The following AMBRA1 variants were observed in gnomAD, a reference collection of about 807,000 sequenced individuals.
The protein encoded by AMBRA1 is activating molecule in BECN1-regulated autophagy protein 1.
Under a neutral mutation model 125.4 loss-of-function variants are expected in AMBRA1, and 47 were observed. The ratio of observed to expected loss-of-function variants is 0.37; its 90% CI spans 0.30 to 0.48. AMBRA1 has a LOEUF of 0.48. Among genes scored for constraint, AMBRA1 ranks in the 20% least tolerant of loss-of-function variants. The probability of loss-of-function intolerance (pLI) is 0.99; values close to 1 mark genes in which losing one functional copy is unlikely to be tolerated. For missense variants in AMBRA1, 1,331 were observed against 1,693.4 expected (o/e 0.79, Z 3.76); for synonymous variants, 626 against 655.5 (o/e 0.95, Z 0.69).
intron 7 of AMBRA1, among the ~76,000 whole-genome samples, chr11:46,529,384 A>G (rs1211929844): frequency 6.6e-6 from 1 of 152,190 alleles, no homozygotes; most frequent in Admixed American, 6.5e-5. Context: ...GGGGGCTGTC[A>G]GCATGTCAGC....
At chr11:46,411,160 G>A (rs1203794447) in intron 15 of AMBRA1, among the ~76,000 whole-genome samples, 2 of 151,006 alleles carry the variant, frequency 1.3e-5, no homozygotes, top group East Asian at 3.9e-4. Context: ...AACAAAGACA[G>A]TGCAGGCTCT....
At chr11:46,558,484 G>A (rs2043226703) in intron 1 of AMBRA1, among the ~76,000 whole-genome samples, 1 of 146,888 alleles carries the variant, frequency 6.8e-6, no homozygotes, top group South Asian at 2.2e-4. Flanking sequence ...GGGAGGTGGA[G>A]GTTGCAATGA....
In AMBRA1 at chr11:46,408,610, C is replaced by G. The variant is rs779311819; in HGVS notation, c.3306G>C (p.Gln1102His). ...PRNPATSVTS[Q>H]GTQTLALQLQ... ...GCTGAAGGGCCAGAGTCTGGGTGCC[C>G]TGAGATGTCACTGAGGTGGCAGGGT... Residue 1102 changes from glutamine (Q) to histidine (H), a missense_variant, in exon 17 of 18, where the codon CAG (glutamine) becomes CAC (histidine). Coordinates refer to ENST00000683756, the MANE Select transcript of AMBRA1 (RefSeq NM_001387011.1). 1 of 1,609,980 alleles carries G rather than the reference C, an allele frequency of 6.2e-7. No homozygotes were observed. The highest frequency in any genetic ancestry group is 1.1e-5 in the South Asian group (1 of 90,748).
chr11:46,577,870 A>C (rs753871891), intron 1 of AMBRA1, among the ~76,000 whole-genome samples: 7 of 152,034 alleles, frequency 4.6e-5, no homozygotes, highest in Non-Finnish European at 8.8e-5. Context: ...GAATCACTTG[A>C]ACCCAGGAGG....
intron 11 of AMBRA1, among the ~76,000 whole-genome samples, chr11:46,471,972 C>T (rs1949617666): frequency 6.6e-6 from 1 of 152,092 alleles, no homozygotes; most frequent in Non-Finnish European, 1.5e-5. Flanking sequence ...TTCACATCCA[C>T]ATTAATTTTT....
Position 46,542,086 on chromosome 11 carries a change from C to G in AMBRA1, c.1931G>C (p.Arg644Thr). 1 of 1,613,952 alleles carries G rather than the reference C, an allele frequency of 6.2e-7. No homozygotes were observed. Among genetic ancestry groups the G allele is most frequent in the Non-Finnish European group, 8.5e-7 (1 of 1,179,952 alleles). ...LSSSASPQEE[R>T]TVGVAFNQET... ...CTGGTTAAAGGCCACCCCCACAGTC[C>G]TCTCCTCCTGCGGACTAGCAGAGCT... is the stretch of plus-strand genomic sequence containing the variant. The change falls in exon 7 of 18, where the codon AGG (arginine) becomes ACG (threonine). Residue 644 changes from arginine to threonine, a missense_variant. Arg to Thr is a moderately conservative substitution (Grantham distance 71). Around this residue, in one of 4 missense-constraint regions of AMBRA1, gnomAD observed 689 missense variants for 776.5 expected, o/e 0.89. Transcript: ENST00000683756. This position sits in a 1 kb window ranked among gnomAD's most constrained non-coding sequence, Gnocchi z 5.9.
At chr11:46,516,734 A>G (rs1401112136) in intron 7 of AMBRA1, among the ~76,000 whole-genome samples, 2 of 151,718 alleles carry the variant, frequency 1.3e-5, no homozygotes, top group African/African-American at 2.4e-5. Flanking sequence ...CGCCCGGCCA[A>G]AAGATCTTTC....
At chr11:46,540,511 G>C (rs1952686490) in intron 7 of AMBRA1, among the ~76,000 whole-genome samples, 1 of 152,170 alleles carries the variant, frequency 6.6e-6, no homozygotes, top group Admixed American at 6.6e-5. Flanking sequence ...TATGGGCAGA[G>C]TTAGCAACCT....
intron 4 of AMBRA1, 34 bp from the exon 5 acceptor site, chr11:46,545,810 TAC>T: frequency 6.2e-7 from 1 of 1,607,482 alleles, no homozygotes; most frequent in Non-Finnish European, 8.5e-7. Context: ...ATTCTCAGGT[TAC>T]AAGCTACCAG....
intron 11 of AMBRA1, among the ~76,000 whole-genome samples, chr11:46,481,214 G>A (rs1056240445): frequency 2.6e-5 from 4 of 152,032 alleles, no homozygotes; most frequent in Admixed American, 1.3e-4. Context: ...TGTAATCACC[G>A]CCCCAGCCTT....
intron 11 of AMBRA1, among the ~76,000 whole-genome samples, chr11:46,470,596 A>AG (rs1178549219): frequency 6.6e-6 from 1 of 150,664 alleles, no homozygotes; most frequent in Non-Finnish European, 1.5e-5. Context: ...CTCAAAAAAA[A>AG]AAAAAAAAAA....
At chr11:46,575,845 A>G (rs1458448251) in intron 1 of AMBRA1, among the ~76,000 whole-genome samples, 1 of 152,140 alleles carries the variant, frequency 6.6e-6, no homozygotes, top group Non-Finnish European at 1.5e-5. Flanking sequence ...ACCACAAACC[A>G]AAAATACATC....
chr11:46,418,398 T>A (rs962128637), intron 14 of AMBRA1, among the ~76,000 whole-genome samples: 2 of 145,968 alleles, frequency 1.4e-5, no homozygotes, highest in African/African-American at 5.0e-5. Flanking sequence ...TTATTATATA[T>A]TATATATATT....
intron 1 of AMBRA1, among the ~76,000 whole-genome samples, chr11:46,551,096 C>CA (rs57293525): frequency 0.12 from 6,025 of 49,006 alleles, 732 homozygotes; most frequent in African/African-American, 0.33. Context: ...GACTCCGCCT[C>CA]AAAAAAAAAA....
intron 14 of AMBRA1, among the ~76,000 whole-genome samples, chr11:46,432,774 G>A (rs1276457728): frequency 6.6e-6 from 1 of 152,202 alleles, no homozygotes; most frequent in Non-Finnish European, 1.5e-5. Flanking sequence ...TTCTGACAAA[G>A]CTTGAATACT....
intron 9 of AMBRA1, among the ~76,000 whole-genome samples, chr11:46,505,107 G>A (rs1252792973): frequency 6.6e-6 from 1 of 152,174 alleles, no homozygotes; most frequent in East Asian, 1.9e-4. Context: ...TGTCTTAATG[G>A]TAACCTAATT....
chr11:46,493,526 T>C (rs1254372747), intron 11 of AMBRA1, 82 bp downstream of exon 11: 2 of 1,132,988 alleles, frequency 1.8e-6, no homozygotes, highest in Non-Finnish European at 2.5e-6. Context: ...CACCATCACA[T>C]CAACATAGGT....
At position 46,397,380 on chromosome 11, in the gene AMBRA1, T is replaced by G. The variant is rs1945505246; in HGVS notation, c.*70A>C. 7.0e-7 allele frequency: 1 copy of G among 1,436,992 alleles called. No homozygotes were observed. Among genetic ancestry groups the G allele is most frequent in the South Asian group, 1.7e-5 (1 of 58,272 alleles). The allele number at this position is 1,436,992 out of a possible 1,614,324, so 89.0% of individuals were successfully genotyped here. A position where few individuals can be genotyped will look rare whatever the true frequency, so the allele number is the denominator to read the frequency against. On this transcript the variant is annotated 3_prime_UTR_variant, in exon 18 of 18. Transcript: ENST00000683756. ...GCCAGCAGCTCTTCCACATGTCCAG[T>G]TCCCAGTCAGCTGTGAGGTCCGGTT...
At chr11:46,515,422 G>A (rs1951434392) in intron 7 of AMBRA1, among the ~76,000 whole-genome samples, 1 of 152,116 alleles carries the variant, frequency 6.6e-6, no homozygotes, top group Non-Finnish European at 1.5e-5. Flanking sequence ...GCAGTGAGCT[G>A]AGATCGCACT....
Sources: allele counts gnomAD v4.1 joint callset (sites outside exome capture counted in the v4.1 genomes callset), GRCh38; gene constraint gnomAD v4.1.1; regional missense constraint gnomAD v4.1.1; non-coding constraint Gnocchi (gnomAD v3.1); transcripts MANE v1.5; gene names NCBI Gene and HGNC (gene_info 2026-07-23, HGNC 2026-07-21).